The following C1orf21 variants were observed in gnomAD, a reference collection of about 807,000 sequenced individuals.
C1orf21 encodes chromosome 1 open reading frame 21.
In C1orf21, 3 loss-of-function variants were observed where a neutral mutation model predicts 18.7. That is an observed-to-expected ratio of 0.16 (90% CI 0.07 to 0.42). The LOEUF (loss-of-function observed/expected upper bound fraction) is 0.42, where lower values mean the gene tolerates loss of function less well. C1orf21 is among the 10% of genes least tolerant of loss of function. The pLI is 0.99. For synonymous variants in C1orf21, 41 were observed against 46.4 expected (o/e 0.88, Z 0.47); for missense variants, 104 against 143.6 (o/e 0.72, Z 1.41).
intron 3 of C1orf21, among the ~76,000 whole-genome samples, chr1:184,513,689 A>G (rs971143834): frequency 1.3e-5 from 2 of 152,248 alleles, no homozygotes; most frequent in Non-Finnish European, 2.9e-5. Flanking sequence ...AAACTGGTTC[A>G]TACTGGTTGA....
chr1:184,459,289 C>G (rs1430902193), intron 1 of C1orf21, among the ~76,000 whole-genome samples: 1 of 152,130 alleles, frequency 6.6e-6, no homozygotes, highest in Non-Finnish European at 1.5e-5. Flanking sequence ...TAAGTTATTC[C>G]TGGAGAGGGT....
intron 1 of C1orf21, among the ~76,000 whole-genome samples, chr1:184,471,068 A>G (rs1657489710): frequency 6.6e-6 from 1 of 152,144 alleles, no homozygotes; most frequent in South Asian, 2.1e-4. Flanking sequence ...TCAGCCATGC[A>G]TGAGCTCATG....
intron 3 of C1orf21, among the ~76,000 whole-genome samples, chr1:184,550,014 T>C (rs959879181): frequency 6.6e-6 from 1 of 152,214 alleles, no homozygotes; most frequent in Non-Finnish European, 1.5e-5. Context: ...AATTTTAAAA[T>C]AGGCTTTGCG....
At chr1:184,529,627 TGCCCAAAGATAGGAGCAAC>T (rs1283116207) in intron 3 of C1orf21, among the ~76,000 whole-genome samples, 1 of 152,124 alleles carries the variant, frequency 6.6e-6, no homozygotes, top group Non-Finnish European at 1.5e-5. Context: ...AAAGGACCCA[TGCCCAAAGATAGGAGCAAC>T]GACAGATAAG....
intron 2 of C1orf21, among the ~76,000 whole-genome samples, chr1:184,493,865 G>C (rs746497407): frequency 2.0e-5 from 3 of 152,166 alleles, no homozygotes; most frequent in Non-Finnish European, 4.4e-5. Flanking sequence ...TGGCCAGCAT[G>C]TTAAAATGAA....
chr1:184,470,942 C>A (rs1657487318), intron 1 of C1orf21, among the ~76,000 whole-genome samples: 1 of 151,818 alleles, frequency 6.6e-6, no homozygotes, highest in African/African-American at 2.4e-5. Context: ...TGCCTTTGAC[C>A]ACTGAGGAGC....
intron 1 of C1orf21, among the ~76,000 whole-genome samples, chr1:184,465,234 T>C (rs1298655615): frequency 6.6e-6 from 1 of 152,240 alleles, no homozygotes; most frequent in African/African-American, 2.4e-5. Flanking sequence ...CTAATTTGTC[T>C]TTCTCTTAGA....
chr1:184,610,155 T>G (rs957412096), intron 5 of C1orf21, among the ~76,000 whole-genome samples: 1 of 152,224 alleles, frequency 6.6e-6, no homozygotes, highest in African/African-American at 2.4e-5. Flanking sequence ...TTTTACACAT[T>G]TAAATGGTTG....
chr1:184,462,828 T>C (rs1485089560), intron 1 of C1orf21, among the ~76,000 whole-genome samples: 1 of 152,102 alleles, frequency 6.6e-6, no homozygotes, highest in South Asian at 2.1e-4. Context: ...ATGCCTGTGA[T>C]CCCAGCACTT....
intron 3 of C1orf21, chr1:184,567,560 C>A: frequency 2.0e-6 from 1 of 500,096 alleles, no homozygotes; most frequent in South Asian, 1.6e-5. Flanking sequence ...TGTGATCAGC[C>A]TCCCTCTGGA....
chr1:184,513,406 A>G (rs1300685450), intron 3 of C1orf21, among the ~76,000 whole-genome samples: 1 of 152,254 alleles, frequency 6.6e-6, no homozygotes, highest in Non-Finnish European at 1.5e-5. Context: ...ACATGTGAAT[A>G]ATTGAGAAAA....
intron 1 of C1orf21, among the ~76,000 whole-genome samples, chr1:184,429,255 G>T (rs1656693987): frequency 6.6e-6 from 1 of 152,100 alleles, no homozygotes; most frequent in Non-Finnish European, 1.5e-5. Context: ...TAGATTCTGG[G>T]GCTGGAGAGG....
At chr1:184,612,350 A>G (rs1426652763) in intron 5 of C1orf21, among the ~76,000 whole-genome samples, 2 of 152,218 alleles carry the variant, frequency 1.3e-5, no homozygotes, top group Non-Finnish European at 2.9e-5. Context: ...TCTTGACCGG[A>G]CTTGTTTGCT....
At chr1:184,432,700 C>T (rs998941308) in intron 1 of C1orf21, among the ~76,000 whole-genome samples, 1 of 151,870 alleles carries the variant, frequency 6.6e-6, no homozygotes, top group African/African-American at 2.4e-5. Context: ...TCTGGTGCCT[C>T]TGTGAGGAAG....
At chr1:184,439,064 G>A (rs542038410) in intron 1 of C1orf21, among the ~76,000 whole-genome samples, 29 of 152,004 alleles carry the variant, frequency 1.9e-4, no homozygotes, top group Non-Finnish European at 3.2e-4. Flanking sequence ...TATAAAAACT[G>A]GCCAGGCGTG....
intron 1 of C1orf21, among the ~76,000 whole-genome samples, chr1:184,463,120 A>G (rs906608407): frequency 7.3e-5 from 11 of 150,794 alleles, no homozygotes; most frequent in Non-Finnish European, 1.2e-4. Flanking sequence ...AAGAAGAATT[A>G]TAGTGTTCAT....
Position 184,515,435 on chromosome 1 carries a change from G to T in C1orf21, c.189+7753G>T, listed in dbSNP as rs1428428503. Among the ~76,000 whole-genome samples the T allele has an allele frequency of 3.3e-5, 5 of 152,084 alleles. No individual in the cohort carries two copies. The East Asian group carries it at 9.6e-4, about 29-fold the overall frequency. The stretch of plus-strand genomic sequence containing the variant: ...AGTCATCTCTGAAGTCTGATTAACA[G>T]ATTAGGACTGTTAGAACACAGTTAG... On this transcript the variant is annotated intron_variant, in intron 3 of 5. Coordinates refer to ENST00000235307, the MANE Select transcript of C1orf21 (RefSeq NM_030806.4).
At chr1:184,612,874 T>C (rs1659759489) in intron 5 of C1orf21, among the ~76,000 whole-genome samples, 1 of 152,206 alleles carries the variant, frequency 6.6e-6, no homozygotes, top group African/African-American at 2.4e-5. Flanking sequence ...TTTATTATAG[T>C]ATATTATTAG....
At chr1:184,522,200 G>T (rs1350027086) in intron 3 of C1orf21, among the ~76,000 whole-genome samples, 1 of 152,090 alleles carries the variant, frequency 6.6e-6, no homozygotes, top group African/African-American at 2.4e-5. Context: ...AATATTAATA[G>T]ATATTTGTAC....
Sources: allele counts gnomAD v4.1 joint callset (sites outside exome capture counted in the v4.1 genomes callset), GRCh38; gene constraint gnomAD v4.1.1; transcripts MANE v1.5; gene names NCBI Gene and HGNC (gene_info 2026-07-23, HGNC 2026-07-21).